RAD51: variants seen among roughly 807,000 people sequenced by gnomAD.
RAD51 encodes DNA repair protein RAD51 homolog 1.
Under a neutral mutation model 41.5 loss-of-function variants are expected in RAD51, and 14 were observed. The ratio of observed to expected loss-of-function variants is 0.34; its 90% CI spans 0.22 to 0.53. The LOEUF is 0.53. RAD51 is among the 20% of genes least tolerant of loss of function. The pLI, the probability that RAD51 is intolerant of heterozygous loss-of-function variation, is 0.95. For missense variants in RAD51, 234 were observed against 422.0 expected (o/e 0.55, Z 3.90); for synonymous variants, 136 against 148.6 (o/e 0.92, Z 0.62).
intron 3 of RAD51, among the ~76,000 whole-genome samples, chr15:40,704,491 A>G (rs1167238724): frequency 6.7e-6 from 1 of 149,698 alleles, no homozygotes; most frequent in Non-Finnish European, 1.5e-5. Flanking sequence ...CCTCCTGAGT[A>G]GTTGGGACTA....
intron 5 of RAD51, among the ~76,000 whole-genome samples, chr15:40,710,577 A>C (rs962454091): frequency 6.6e-6 from 1 of 152,090 alleles, no homozygotes; most frequent in African/African-American, 2.4e-5. Context: ...TTAACATTCA[A>C]AACTTCTTGG....
chr15:40,718,787 T>C lies in RAD51; in HGVS notation c.436-18T>C, dbSNP rs764812812. 2 of 1,565,164 alleles carry C rather than the reference T, an allele frequency of 1.3e-6. No homozygotes were observed. Among genetic ancestry groups the C allele is most frequent in the East Asian group, 4.5e-5 (2 of 44,604 alleles). ...GAAATACAATGTTCATTTCTACTGT[T>C]GTTTTTGTTCTCTATAGCTTCCCAT... On this transcript the variant is annotated intron_variant, in intron 5 of 9. Coordinates refer to ENST00000267868, the MANE Select transcript of RAD51 (RefSeq NM_002875.5).
At chr15:40,716,654 CTTCT>C (rs1181526546) in intron 5 of RAD51, among the ~76,000 whole-genome samples, 2 of 131,808 alleles carry the variant, frequency 1.5e-5, no homozygotes, top group East Asian at 4.9e-4. Flanking sequence ...GGCCTCTCTA[CTTCT>C]TTTTTTTTTT....
Position 40,731,434 on chromosome 15 carries a change from G to A in RAD51, c.*256G>A. ...TTCTTTGGTTTTGGAGGAGGGGTAT[G>A]AAGTATCTTTGACATGGTGCCTTAG... On this transcript the variant is annotated 3_prime_UTR_variant, in exon 10 of 10. Transcript: ENST00000267868. 2.1e-6 allele frequency: 1 copy of A among 487,388 alleles called. No homozygotes were observed. The highest frequency in any genetic ancestry group is 3.7e-6 in the Non-Finnish European group (1 of 269,792). 30.2% of individuals were successfully genotyped at this position (487,388 alleles called of 1,614,324 possible). A position where few individuals can be genotyped will look rare whatever the true frequency, so the allele number is the denominator to read the frequency against.
chr15:40,709,618 C>G (rs979767998), intron 5 of RAD51, among the ~76,000 whole-genome samples: 2 of 152,092 alleles, frequency 1.3e-5, no homozygotes. Context: ...AAGTGATCCA[C>G]CCACCTTGGC....
At chr15:40,718,977 G>A in intron 6 of RAD51, 78 bp downstream of exon 6, 1 of 1,343,374 alleles carries the variant, frequency 7.4e-7, no homozygotes, top group Admixed American at 1.8e-5. Flanking sequence ...TTTGGCCGAA[G>A]AATGTCTCTT....
chr15:40,710,562 T>TGA (rs1196138102), intron 5 of RAD51, among the ~76,000 whole-genome samples: 1 of 151,576 alleles, frequency 6.6e-6, no homozygotes, highest in Non-Finnish European at 1.5e-5. Context: ...TGACAAAACT[T>TGA]TAGATTAACA....
rs79276755 is a variant in RAD51, at chr15:40,728,680, C to T, written c.531-31C>T. ...TGCTCATCTGCCTGAGTTCTGTGTG[C>T]AGCCTAAAAATGTTCTCTCCTCTCT... is the stretch of plus-strand genomic sequence containing the variant. On this transcript the variant is annotated intron_variant, in intron 6 of 9. Transcript: ENST00000267868. 1.1e-4 allele frequency: 167 copies of T among 1,570,330 alleles called. 1 individual carries two copies. The East Asian group carries it at 3.6e-3, about 33-fold the overall frequency.
chr15:40,716,834 G>A (rs1896015566), intron 5 of RAD51, among the ~76,000 whole-genome samples: 2 of 151,156 alleles, frequency 1.3e-5, no homozygotes, highest in Admixed American at 6.6e-5. Context: ...CTAATTTTTT[G>A]TATTTTTAGT....
intron 6 of RAD51, among the ~76,000 whole-genome samples, chr15:40,726,734 G>A (rs181619586): frequency 0.026 from 3,964 of 151,772 alleles, 173 homozygotes; most frequent in African/African-American, 0.092. Context: ...CTAACATGGT[G>A]AAACCCCGTC....
rs1375618705 is a variant in RAD51 at position 40,698,830 on chromosome 15, C to G, written c.72C>G (p.Pro24=). Residue 24 remains proline (P), a synonymous_variant, in exon 2 of 10, where the codon CCC becomes CCG. Transcript: ENST00000267868. ...AAGAAGAAAGCTTTGGCCCACAACC[C>G]ATTTCACGGTTAGAGGTATGTGGTT... ...SVEEESFGPQ[P]ISRLEQCGIN... 1.2e-6 allele frequency: 2 copies of G among 1,613,970 alleles called. No homozygotes were observed. Among genetic ancestry groups the G allele is most frequent in the African/African-American group, 1.3e-5 (1 of 74,920 alleles).
At chr15:40,724,674 C>CTTTTTTTTTTT (rs869156620) in intron 6 of RAD51, among the ~76,000 whole-genome samples, 2 of 94,346 alleles carry the variant, frequency 2.1e-5, no homozygotes, top group Non-Finnish European at 3.8e-5. Flanking sequence ...TTTTTTATTT[C>CTTTTTTTTTTT]TTTTTTTTTT....
At chr15:40,716,965 G>A (rs948871665) in intron 5 of RAD51, among the ~76,000 whole-genome samples, 5 of 151,524 alleles carry the variant, frequency 3.3e-5, no homozygotes, top group South Asian at 2.1e-4. Context: ...CCTGGCCTCC[G>A]GCCCTCTACT....
In RAD51 at chr15:40,729,902, G is replaced by A. The variant is rs1896782001; in HGVS notation, c.824G>A (p.Gly275Glu). 2 of 1,613,960 alleles carry A rather than the reference G, an allele frequency of 1.2e-6. No homozygotes were observed. The highest frequency in any genetic ancestry group is 1.7e-6 in the Non-Finnish European group (2 of 1,179,950). ...AATCAGGTGGTAGCTCAAGTGGATG[G>A]AGCAGCGATGTTTGCTGCTGATCCC... ...ITNQVVAQVDGAAMFAADPKK... is the reference protein window; with the variant it reads ...ITNQVVAQVDEAAMFAADPKK... The change falls in exon 9 of 10, where the codon GGA becomes GAA. Residue 275 changes from glycine (G) to glutamate (E), a missense_variant. Physicochemically the swap from Gly to Glu is moderately conservative, Grantham distance 98 (BLOSUM62 -2). Transcript: ENST00000267868.
In RAD51 at chr15:40,729,900, T is replaced by C; in HGVS notation, c.822T>C (p.Asp274=). 6.2e-7 allele frequency: 1 copy of C among 1,614,150 alleles called. No individual in the cohort carries two copies. ...CTAATCAGGTGGTAGCTCAAGTGGA[T>C]GGAGCAGCGATGTTTGCTGCTGATC... The part of the protein sequence containing the change: ...VITNQVVAQV[D]GAAMFAADPK... Residue 274 remains aspartate (D), a synonymous_variant, in exon 9 of 10, where the codon GAT becomes GAC. Coordinates refer to ENST00000267868, the MANE Select transcript of RAD51 (RefSeq NM_002875.5).
At chr15:40,719,020 G>T (rs1434515106) in intron 6 of RAD51, 121 bp downstream of exon 6, 16 of 886,680 alleles carry the variant, frequency 1.8e-5, no homozygotes, top group Middle Eastern at 2.5e-4. Context: ...TGTATGTGTG[G>T]TTCAAAAGAA....
chr15:40,709,928 C>G (rs555063007), intron 5 of RAD51, among the ~76,000 whole-genome samples: 44 of 151,566 alleles, frequency 2.9e-4, no homozygotes, highest in Non-Finnish European at 5.0e-4. Context: ...TTTGGGAGGC[C>G]GAGGCGGGTG....
At chr15:40,701,025 C>A in intron 2 of RAD51, 39 bp from the exon 3 acceptor site, 1 of 1,589,328 alleles carries the variant, frequency 6.3e-7, no homozygotes, top group Non-Finnish European at 8.6e-7. Context: ...GATTAGAGAA[C>A]TAAAGCTTAA....
In RAD51 at chr15:40,730,361, T is replaced by A. The variant is rs574782529; in HGVS notation, c.896+387T>A. On this transcript the variant is annotated intron_variant, in intron 9 of 9. Transcript: ENST00000267868. ...CTCTGTCTCTACAAAAAAAAGTAGC[T>A]GGTGTGGTGGCGTGTGCCTGTAGTC... 4.6e-5 allele frequency among the ~76,000 whole-genome samples: 7 copies of A among 151,910 alleles called. No individual in the cohort carries two copies. In the South Asian group the frequency reaches 1.5e-3, roughly 32 times the overall value.
Sources: gnomAD v4.1 joint callset for allele counts (sites outside exome capture counted in the v4.1 genomes callset) on GRCh38, gnomAD v4.1.1 for gene constraint, MANE v1.5 for transcripts, NCBI Gene and HGNC (gene_info 2026-07-23, HGNC 2026-07-21) for gene names.